Variants in CRPPA observed in about 807,000 individuals in gnomAD.
The protein encoded by CRPPA is D-ribitol-5-phosphate cytidylyltransferase.
CRPPA carries 43 observed loss-of-function variants against 52.0 expected under a neutral mutation model. The ratio of observed to expected loss-of-function variants is 0.83; its 90% CI spans 0.65 to 1.07. The LOEUF (loss-of-function observed/expected upper bound fraction) is 1.07. Ranked by LOEUF, CRPPA falls within the 50% of genes least tolerant of loss-of-function variation. CRPPA has a pLI of 0.00. For synonymous variants in CRPPA, 250 were observed against 203.5 expected, an observed-to-expected ratio of 1.23 and a Z score of -1.94; for missense variants, 629 against 551.7, an observed-to-expected ratio of 1.14 and a Z score of -1.40.
At chr7:16,146,168 A>T (rs968804759) in intron 9 of CRPPA, among the ~76,000 whole-genome samples, 3 of 152,076 alleles carry the variant, frequency 2.0e-5, no homozygotes, top group African/African-American at 4.8e-5. Context: ...AAATGTAATC[A>T]AAGTACTGAG....
chr7:16,360,867 A>G (rs1402455357), intron 3 of CRPPA, among the ~76,000 whole-genome samples: 1 of 152,216 alleles, frequency 6.6e-6, no homozygotes, highest in Admixed American at 6.5e-5. Flanking sequence ...ACAAAAGAAA[A>G]TAAATTAGAC....
At chr7:16,398,148 CAT>C (rs1787665209) in intron 2 of CRPPA, among the ~76,000 whole-genome samples, 1 of 152,020 alleles carries the variant, frequency 6.6e-6, no homozygotes, top group African/African-American at 2.4e-5. Context: ...TGACACATGA[CAT>C]GTGAATGACA....
intron 9 of CRPPA, among the ~76,000 whole-genome samples, chr7:16,095,181 T>A (rs1292960610): frequency 6.6e-6 from 1 of 152,234 alleles, no homozygotes; most frequent in Non-Finnish European, 1.5e-5. Flanking sequence ...AAATGTTATG[T>A]TCCGGATTAC....
intron 9 of CRPPA, among the ~76,000 whole-genome samples, chr7:16,211,057 G>T (rs1782121447): frequency 6.6e-6 from 1 of 152,116 alleles, no homozygotes; most frequent in Admixed American, 6.6e-5. Context: ...TTTTACACAT[G>T]ATGTGAATGG....
At chr7:16,397,102 A>G (rs1337981649) in intron 2 of CRPPA, among the ~76,000 whole-genome samples, 7 of 152,244 alleles carry the variant, frequency 4.6e-5, no homozygotes, top group Admixed American at 6.5e-5. Flanking sequence ...CACGTGTGAA[A>G]TAAGACACGT....
At chr7:16,227,343 A>T (rs187101326) in intron 8 of CRPPA, among the ~76,000 whole-genome samples, 25 of 152,010 alleles carry the variant, frequency 1.6e-4, no homozygotes, top group African/African-American at 5.1e-4. Context: ...GGTAATTCAC[A>T]TTCCCACTAA....
At chr7:16,176,298 G>A (rs571134195) in intron 9 of CRPPA, among the ~76,000 whole-genome samples, 14 of 152,118 alleles carry the variant, frequency 9.2e-5, no homozygotes, top group East Asian at 3.9e-4. Context: ...AACATTATGC[G>A]TCATTCTACA....
intron 8 of CRPPA, among the ~76,000 whole-genome samples, chr7:16,233,127 G>A (rs932912110): frequency 6.6e-6 from 1 of 151,658 alleles, no homozygotes; most frequent in Admixed American, 6.6e-5. Context: ...CCATAAAAAC[G>A]ATTTTAAATT....
chr7:16,102,167 T>A (rs1440411402), intron 9 of CRPPA, among the ~76,000 whole-genome samples: 1 of 152,158 alleles, frequency 6.6e-6, no homozygotes, highest in Non-Finnish European at 1.5e-5. Context: ...TCTACAGCCA[T>A]CTGATCTTTC....
At chr7:16,096,995 A>G (rs879755923) in intron 9 of CRPPA, among the ~76,000 whole-genome samples, 12 of 152,196 alleles carry the variant, frequency 7.9e-5, no homozygotes, top group Non-Finnish European at 1.3e-4. Flanking sequence ...ATTATTTTAA[A>G]ATTTAGTTTT....
intron 2 of CRPPA, among the ~76,000 whole-genome samples, chr7:16,379,780 GCTCT>G (rs980312237): frequency 1.3e-5 from 2 of 152,028 alleles, no homozygotes; most frequent in Admixed American, 6.6e-5. Context: ...TCATGATTTG[GCTCT>G]CTGTTTGTCT....
chr7:16,362,757 A>G lies in CRPPA; in HGVS notation c.684+13335T>C, dbSNP rs568700459. The stretch of plus-strand genomic sequence containing the variant: ...GTTTAAGAAATTAGCAGCTTAGAAT[A>G]TACTTACTAAAATCTAAGAAAGATT... On this transcript the variant is annotated intron_variant, in intron 3 of 9. Coordinates refer to ENST00000407010, the MANE Select transcript of CRPPA (RefSeq NM_001101426.4). 6.6e-5 allele frequency among the ~76,000 whole-genome samples: 10 copies of G among 152,344 alleles called. No individual in the cohort carries two copies. The South Asian group carries it at 1.9e-3, about 28-fold the overall frequency.
intron 6 of CRPPA, among the ~76,000 whole-genome samples, chr7:16,260,216 A>G (rs558712912): frequency 6.6e-6 from 1 of 152,140 alleles, no homozygotes; most frequent in South Asian, 2.1e-4. Context: ...CTTGTTCCAT[A>G]CTTCCTTTGC....
chr7:16,390,843 G>T (rs1349965637), intron 2 of CRPPA, among the ~76,000 whole-genome samples: 2 of 152,108 alleles, frequency 1.3e-5, no homozygotes, highest in African/African-American at 2.4e-5. Flanking sequence ...TTAATTTAAG[G>T]TTACAGGTCC....
At chr7:16,402,769 G>A (rs538903231) in intron 2 of CRPPA, among the ~76,000 whole-genome samples, 8 of 151,908 alleles carry the variant, frequency 5.3e-5, no homozygotes, top group African/African-American at 1.9e-4. Flanking sequence ...CAATATGAAA[G>A]AGAACTTAGG....
At chr7:16,216,853 G>T (rs547418386) in intron 8 of CRPPA, among the ~76,000 whole-genome samples, 11 of 152,120 alleles carry the variant, frequency 7.2e-5, no homozygotes, top group Admixed American at 2.6e-4. Context: ...AGGCGGCAGC[G>T]AGGCCGGGGG....
intron 3 of CRPPA, among the ~76,000 whole-genome samples, chr7:16,350,084 AG>A (rs1401214976): frequency 2.0e-5 from 3 of 150,858 alleles, no homozygotes; most frequent in Non-Finnish European, 4.4e-5. Context: ...TCAGGACAGG[AG>A]GGAATTAAAC....
chr7:16,274,563 TAA>T (rs1175929801), intron 6 of CRPPA, among the ~76,000 whole-genome samples: 2 of 152,016 alleles, frequency 1.3e-5, no homozygotes, highest in Admixed American at 1.3e-4. Context: ...TAAAAAAAAA[TAA>T]AAAGTCTAAT....
At chr7:16,243,045 A>G (rs1463877910) in intron 8 of CRPPA, among the ~76,000 whole-genome samples, 1 of 152,182 alleles carries the variant, frequency 6.6e-6, no homozygotes, top group African/African-American at 2.4e-5. Flanking sequence ...CTCATTTCAA[A>G]TTGTAATTCC....
Sources: allele counts gnomAD v4.1 joint callset (sites outside exome capture counted in the v4.1 genomes callset), GRCh38; gene constraint gnomAD v4.1.1; transcripts MANE v1.5; gene names NCBI Gene and HGNC (gene_info 2026-07-23, HGNC 2026-07-21).